Variants in PSG7 observed in about 807,000 individuals in gnomAD.
PSG7 encodes the protein pregnancy-specific beta-1-glycoprotein 7.
In PSG7, 57 loss-of-function variants were observed where a neutral mutation model predicts 45.6. That is an observed-to-expected ratio of 1.25 (90% CI 1.01 to 1.56). PSG7 has a LOEUF of 1.56. PSG7 is among the 40% of genes most tolerant of loss of function. PSG7 has a pLI of 0.00. For missense variants in PSG7, 796 were observed against 508.4 expected (o/e 1.57, Z -5.44); for synonymous variants, 298 against 194.4 (o/e 1.53, Z -4.43).
chr19:42,927,677 T>G (rs1210614846), intron 3 of PSG7: 2 of 151,624 alleles, frequency 1.3e-5, no homozygotes, highest in African/African-American at 4.9e-5. Context: ...TACTCTCTGA[T>G]TCCTTGGGGT....
In PSG7 at chr19:42,926,012, G is replaced by A. The variant is rs1479737303; in HGVS notation, c.1004C>T (p.Pro335Leu). 6.2e-7 allele frequency: 1 copy of A among 1,611,966 alleles called. No homozygotes were observed. The highest frequency in any genetic ancestry group is 8.5e-7 in the Non-Finnish European group (1 of 1,179,060). Residue 335 changes from proline to leucine, a missense_variant, in exon 5 of 6, where the codon CCC (proline) becomes CTC (leucine). Physicochemically the swap from Pro to Leu is moderately conservative, Grantham distance 98. Coordinates refer to ENST00000406070, the MANE Select transcript of PSG7 (RefSeq NM_002783.3). ...ATAGGTGAATGAAGGGTAAATTCTG[G>A]GGAGGTCTGGACCATCTGGAGGAAA... is the stretch of plus-strand genomic sequence containing the variant. ...TLNVLYGPDL[P>L]RIYPSFTYYH...
chr19:42,933,306 TA>T (rs1208883512), intron 2 of PSG7, among the ~76,000 whole-genome samples: 64 of 23,658 alleles, frequency 2.7e-3, no homozygotes, highest in African/African-American at 4.1e-3. Flanking sequence ...TATATATATA[TA>T]TTTTTTTTTT....
chr19:42,929,540 A>G lies in PSG7; in HGVS notation c.611T>C (p.Leu204Pro). Residue 204 changes from leucine to proline, a missense_variant, in exon 3 of 6, where the codon CTA becomes CCA. Coordinates refer to ENST00000406070, the MANE Select transcript of PSG7 (RefSeq NM_002783.3). ...QLSETNRTLY[L>P]FGVTNYTAGP... The stretch of plus-strand genomic sequence containing the variant: ...TGCAGTATAGTTTGTGACACCAAAT[A>G]GGTAGAGGGTCCTGTTGGTTTCAGA... 6.2e-7 allele frequency: 1 copy of G among 1,612,620 alleles called. No individual in the cohort carries two copies. Among genetic ancestry groups the G allele is most frequent in the Non-Finnish European group, 8.5e-7 (1 of 1,179,260 alleles).
At chr19:42,931,978 G>C (rs1973030514) in intron 2 of PSG7, among the ~76,000 whole-genome samples, 3 of 151,574 alleles carry the variant, frequency 2.0e-5, no homozygotes, top group Admixed American at 6.6e-5. Flanking sequence ...TTCCACAGCT[G>C]TGTGCAGTCT....
At chr19:42,935,316 G>A in intron 2 of PSG7, 88 bp downstream of exon 2, 1 of 1,535,556 alleles carries the variant, frequency 6.5e-7, no homozygotes, top group South Asian at 1.2e-5. Context: ...GAGGGACACA[G>A]GCACAGTCCA....
intron 2 of PSG7, among the ~76,000 whole-genome samples, chr19:42,930,556 G>A (rs927980801): frequency 6.6e-6 from 1 of 151,690 alleles, no homozygotes; most frequent in Admixed American, 6.6e-5. Flanking sequence ...TGGTGGAAAG[G>A]GTGAACATGA....
intron 2 of PSG7, among the ~76,000 whole-genome samples, chr19:42,932,073 G>C (rs1337256233): frequency 6.6e-6 from 1 of 151,192 alleles, no homozygotes; most frequent in Non-Finnish European, 1.5e-5. Flanking sequence ...ACCCAGGCTG[G>C]AGTGCAGTGG....
At position 42,929,162 on chromosome 19, in the gene PSG7, C is replaced by A. The variant is rs191998436; in HGVS notation, c.709+280G>T. The stretch of plus-strand genomic sequence containing the variant: ...CGCAACACTGAAGTCCCAGCCAAAT[C>A]CCCGCTGTGTTCATGATCTGGAGCC... On this transcript the variant is annotated intron_variant, in intron 3 of 5. Coordinates refer to ENST00000406070, the MANE Select transcript of PSG7 (RefSeq NM_002783.3). 659 of 676,082 alleles carry A rather than the reference C, an allele frequency of 9.7e-4. 9 individuals are homozygous for A. In the African/African-American group the frequency reaches 0.011, roughly 11 times the overall value. The allele number at this position is 676,082 out of a possible 1,614,324, so 41.9% of individuals were successfully genotyped here.
At chr19:42,931,717 C>G (rs1340667075) in intron 2 of PSG7, among the ~76,000 whole-genome samples, 3 of 151,378 alleles carry the variant, frequency 2.0e-5, no homozygotes, top group Non-Finnish European at 4.4e-5. Context: ...GTGGCACAGG[C>G]AGTAAAACCA....
intron 2 of PSG7, among the ~76,000 whole-genome samples, chr19:42,930,666 A>T (rs1458072064): frequency 6.6e-6 from 1 of 151,700 alleles, no homozygotes; most frequent in East Asian, 1.9e-4. Context: ...CTCATTAGAC[A>T]TTCTACCCTC....
At chr19:42,930,446 T>C (rs1048269559) in intron 2 of PSG7, among the ~76,000 whole-genome samples, 5 of 151,672 alleles carry the variant, frequency 3.3e-5, no homozygotes, top group African/African-American at 1.2e-4. Flanking sequence ...ATGTTCCCTG[T>C]TCTGGGTCCA....
intron 1 of PSG7, chr19:42,936,099 C>G (rs1425734752): frequency 3.6e-5 from 11 of 306,258 alleles, no homozygotes; most frequent in Non-Finnish European, 5.3e-5. Flanking sequence ...AGGTTCTGCT[C>G]ACATCAGGGC....
chr19:42,934,446 T>G (rs1973101831), intron 2 of PSG7, among the ~76,000 whole-genome samples: 1 of 151,510 alleles, frequency 6.6e-6, no homozygotes, highest in African/African-American at 2.4e-5. Context: ...CTCCCCTTTG[T>G]GTTTGTGTGA....
At position 42,934,280 on chromosome 19, in the gene PSG7, G is replaced by A. The variant is rs544357723; in HGVS notation, c.430+1124C>T. Among the ~76,000 whole-genome samples the A allele has an allele frequency of 3.3e-5, 5 of 151,466 alleles. No homozygotes were observed. The East Asian group carries it at 9.7e-4, about 29-fold the overall frequency. ...GTTCTGGAGTGCAGACTAATCAGGT[G>A]ACCACTTGCTCTCACTCCTCTGAGG... is the stretch of plus-strand genomic sequence containing the variant. On this transcript the variant is annotated intron_variant, in intron 2 of 5. Transcript: ENST00000406070.
chr19:42,933,308 T>TATATATATATATATATA lies in PSG7; in HGVS notation c.430+2095_430+2096insTATATATATATATATAT, dbSNP rs1555745220. 1.9e-3 allele frequency among the ~76,000 whole-genome samples: 22 copies of TATATATATATATATATA among 11,802 alleles called. 3 individuals are homozygous for TATATATATATATATATA. The highest frequency in any genetic ancestry group is 3.0e-3 in the Non-Finnish European group (16 of 5,336). The allele number at this position is 11,802 out of a possible 152,430, so 7.7% of individuals were successfully genotyped here. ...ATATATATATATATATATATATATA[T>TATATATATATATATATA]TTTTTTTTTTTTTTGGTGTATGTAT... On this transcript the variant is annotated intron_variant, in intron 2 of 5. Transcript: ENST00000406070.
At chr19:42,929,745 T>A (rs756354259) in intron 2 of PSG7, 25 bp from the exon 3 acceptor site, 8 of 1,603,886 alleles carry the variant, frequency 5.0e-6, no homozygotes, top group Non-Finnish European at 6.8e-6. Context: ...GAGAGAAGAT[T>A]GCCCTGTGTG....
chr19:42,935,834 C>A, intron 1 of PSG7, 65 bp from the exon 2 acceptor site: 1 of 1,538,770 alleles, frequency 6.5e-7, no homozygotes, highest in Non-Finnish European at 8.7e-7. Context: ...AGATGGGCCC[C>A]TGGGTCCTGA....
Position 42,924,391 on chromosome 19 carries a change from G to T in PSG7, c.*417C>A, listed in dbSNP as rs777880936. 1.1e-5 allele frequency: 5 copies of T among 445,562 alleles called. No homozygotes were observed. The highest frequency in any genetic ancestry group is 8.1e-5 in the South Asian group (1 of 12,422). The allele number at this position is 445,562 out of a possible 1,614,324, so 27.6% of individuals were successfully genotyped here. On this transcript the variant is annotated 3_prime_UTR_variant, in exon 6 of 6. Transcript: ENST00000406070. The stretch of plus-strand genomic sequence containing the variant: ...TTTCCTCCTGAGATGTTATGTAAAA[G>T]TCTGAGGTTGAGATGACATATCTGA...
rs1972481604 is a variant in PSG7 at position 42,924,421 on chromosome 19, C to G, written c.*387G>C. The G allele has an allele frequency of 2.1e-6, 1 of 470,078 alleles. No individual in the cohort carries two copies. Among genetic ancestry groups the G allele is most frequent in the African/African-American group, 2.0e-5 (1 of 51,266 alleles). The allele number at this position is 470,078 out of a possible 1,614,324, so 29.1% of individuals were successfully genotyped here. On this transcript the variant is annotated 3_prime_UTR_variant, in exon 6 of 6. Coordinates refer to ENST00000406070, the MANE Select transcript of PSG7 (RefSeq NM_002783.3). ...AGGTTGAGATGACATATCTGACACT[C>G]TGTTGTTACCCTCAGAAGCTCCTAT...
Sources: gnomAD v4.1 joint callset for allele counts (sites outside exome capture counted in the v4.1 genomes callset) on GRCh38, gnomAD v4.1.1 for gene constraint, MANE v1.5 for transcripts, NCBI Gene and HGNC (gene_info 2026-07-23, HGNC 2026-07-21) for gene names.